NEGR1: variants seen among roughly 807,000 people sequenced by gnomAD.
The protein encoded by NEGR1 is neuronal growth regulator 1, also known as IgLON family member 4.
In NEGR1, 10 loss-of-function variants were observed where a neutral mutation model predicts 40.9. The ratio of observed to expected loss-of-function variants is 0.24; its 90% CI spans 0.15 to 0.42. NEGR1 has a LOEUF of 0.42. Among genes scored for constraint, NEGR1 ranks in the 10% least tolerant of loss-of-function variants. The pLI, the probability that NEGR1 is intolerant of heterozygous loss-of-function variation, is 1.00. For synonymous variants in NEGR1, 185 were observed against 166.8 expected (o/e 1.11, Z -0.84); for missense variants, 352 against 438.9 (o/e 0.80, Z 1.77).
intron 1 of NEGR1, among the ~76,000 whole-genome samples, chr1:72,063,724 A>T (rs991080): frequency 0.11 from 17,386 of 151,956 alleles, 1,202 homozygotes; most frequent in East Asian, 0.28. Context: ...ACTATCTCAC[A>T]TGCCATCCTA....
chr1:71,815,827 T>G (rs1177102011), intron 2 of NEGR1, among the ~76,000 whole-genome samples: 1 of 152,076 alleles, frequency 6.6e-6, no homozygotes, highest in Non-Finnish European at 1.5e-5. Flanking sequence ...TCCTCGACTT[T>G]TTTTACTTAT....
At chr1:72,239,881 T>G (rs898251377) in intron 1 of NEGR1, among the ~76,000 whole-genome samples, 1 of 151,838 alleles carries the variant, frequency 6.6e-6, no homozygotes, top group African/African-American at 2.4e-5. Context: ...ATTTAAAAAT[T>G]GATTTTAATA....
intron 6 of NEGR1, among the ~76,000 whole-genome samples, chr1:71,454,243 A>T (rs1646653912): frequency 6.6e-6 from 1 of 152,132 alleles, no homozygotes; most frequent in South Asian, 2.1e-4. Context: ...TGTTTTCAAG[A>T]AATTTTTACT....
chr1:71,737,352 T>TC (rs1655071264), intron 3 of NEGR1, among the ~76,000 whole-genome samples: 1 of 152,118 alleles, frequency 6.6e-6, no homozygotes. Flanking sequence ...CAGCCTTTTT[T>TC]TTTTTTTTTC....
chr1:71,495,574 G>A (rs943839797), intron 6 of NEGR1, among the ~76,000 whole-genome samples: 2 of 151,996 alleles, frequency 1.3e-5, no homozygotes, highest in Non-Finnish European at 2.9e-5. Flanking sequence ...TCATTGAAGG[G>A]TCAACTGTAT....
At chr1:71,495,554 C>T (rs1426350653) in intron 6 of NEGR1, among the ~76,000 whole-genome samples, 1 of 151,722 alleles carries the variant, frequency 6.6e-6, no homozygotes, top group Non-Finnish European at 1.5e-5. Context: ...GCTGCTCCTA[C>T]CCCCCTACAT....
chr1:71,675,546 C>CAGAGAGAGAGAAAGAG (rs1557608826), intron 4 of NEGR1, among the ~76,000 whole-genome samples: 1 of 151,716 alleles, frequency 6.6e-6, no homozygotes, highest in Non-Finnish European at 1.5e-5. Context: ...GAGAGAAAGA[C>CAGAGAGAGAGAAAGAG]AGACAGAGAG....
chr1:71,835,196 C>A (rs995112561), intron 2 of NEGR1, among the ~76,000 whole-genome samples: 2 of 152,076 alleles, frequency 1.3e-5, no homozygotes, highest in African/African-American at 4.8e-5. Flanking sequence ...AAATAAATGT[C>A]CCCAGTTCTC....
chr1:72,109,250 G>GA (rs139486952), intron 1 of NEGR1, among the ~76,000 whole-genome samples: 2,847 of 151,508 alleles, frequency 0.019, 103 homozygotes, highest in African/African-American at 0.065. Context: ...AGAATATAAA[G>GA]AAAAAATATA....
chr1:72,074,629 T>C (rs974272028), intron 1 of NEGR1, among the ~76,000 whole-genome samples: 13 of 152,130 alleles, frequency 8.5e-5, no homozygotes, highest in Non-Finnish European at 5.9e-5. Flanking sequence ...TTGAGAATGA[T>C]ACAATAAACT....
chr1:71,546,576 C>A (rs1408902388), intron 6 of NEGR1, among the ~76,000 whole-genome samples: 1 of 151,494 alleles, frequency 6.6e-6, no homozygotes, highest in East Asian at 2.0e-4. Context: ...ACACATTAAC[C>A]CTTTTAATAT....
chr1:71,828,568 T>C (rs755717654), intron 2 of NEGR1, among the ~76,000 whole-genome samples: 4 of 152,040 alleles, frequency 2.6e-5, no homozygotes, highest in Middle Eastern at 3.4e-3. Context: ...ATGTTCAGTA[T>C]ACAATCCACA....
intron 1 of NEGR1, among the ~76,000 whole-genome samples, chr1:72,266,181 A>G (rs1303664369): frequency 6.6e-6 from 1 of 150,970 alleles, no homozygotes; most frequent in Non-Finnish European, 1.5e-5. Flanking sequence ...AGTAATTGAC[A>G]TAACATTGTA....
chr1:71,609,746 G>A (rs1345714790), intron 5 of NEGR1, among the ~76,000 whole-genome samples: 1 of 151,914 alleles, frequency 6.6e-6, no homozygotes, highest in African/African-American at 2.4e-5. Flanking sequence ...CAGCTATTTA[G>A]CTGCAATTGG....
chr1:71,701,856 A>T (rs1653707863), intron 3 of NEGR1, among the ~76,000 whole-genome samples: 1 of 152,242 alleles, frequency 6.6e-6, no homozygotes. Context: ...AAGTTCAGAA[A>T]AATAAATTTA....
intron 4 of NEGR1, among the ~76,000 whole-genome samples, chr1:71,664,688 A>G (rs1424130699): frequency 6.6e-6 from 1 of 152,070 alleles, no homozygotes; most frequent in Non-Finnish European, 1.5e-5. Context: ...TTGCCTTACT[A>G]TCAGTCAAAA....
intron 3 of NEGR1, among the ~76,000 whole-genome samples, chr1:71,711,341 CAAA>C (rs59376519): frequency 1.7e-5 from 1 of 58,704 alleles, no homozygotes; most frequent in Non-Finnish European, 3.0e-5. Flanking sequence ...GAGATTCCAC[CAAA>C]AAAAAAAAAA....
intron 4 of NEGR1, among the ~76,000 whole-genome samples, chr1:71,617,275 C>A (rs1650476960): frequency 6.6e-6 from 1 of 152,154 alleles, no homozygotes; most frequent in Non-Finnish European, 1.5e-5. Context: ...GGCACGTGTT[C>A]CTCCTTTGGC....
At chr1:71,840,013 C>T (rs958024026) in intron 2 of NEGR1, among the ~76,000 whole-genome samples, 3 of 151,984 alleles carry the variant, frequency 2.0e-5, no homozygotes, top group Non-Finnish European at 2.9e-5. Context: ...AAAATAGATA[C>T]CAAACAATAA....
Sources: allele counts gnomAD v4.1 joint callset (sites outside exome capture counted in the v4.1 genomes callset), GRCh38; gene constraint gnomAD v4.1.1; transcripts MANE v1.5; gene names NCBI Gene and HGNC (gene_info 2026-07-23, HGNC 2026-07-21).